DCAKD: variants seen among roughly 807,000 people sequenced by gnomAD.
DCAKD encodes dephospho-CoA kinase domain-containing protein.
DCAKD carries 15 observed loss-of-function variants against 18.7 expected under a neutral mutation model. That is an observed-to-expected ratio of 0.80 (90% CI 0.54 to 1.24). The LOEUF is 1.24. Among genes scored for constraint, DCAKD ranks in the 50% most tolerant of loss-of-function variants. The pLI, the probability that DCAKD is intolerant of heterozygous loss-of-function variation, is 0.00. For synonymous variants in DCAKD, 130 were observed against 133.0 expected (o/e 0.98, Z 0.16); for missense variants, 301 against 322.0 (o/e 0.93, Z 0.50).
At chr17:45,030,753 G>A (rs922126381) in intron 3 of DCAKD, among the ~76,000 whole-genome samples, 1 of 152,256 alleles carries the variant, frequency 6.6e-6, no homozygotes, top group African/African-American at 2.4e-5. Flanking sequence ...AGAGGCTCAC[G>A]TTGGGGCGGC....
intron 1 of DCAKD, among the ~76,000 whole-genome samples, chr17:45,038,907 C>T (rs191107067): frequency 5.8e-4 from 89 of 152,368 alleles, no homozygotes; most frequent in Admixed American, 1.1e-3. Flanking sequence ...TGACCATCCA[C>T]TGAGCATCTC....
Position 45,034,331 on chromosome 17 carries a change from A to G in DCAKD, c.172T>C (p.Leu58=), listed in dbSNP as rs1461076540. 1.2e-6 allele frequency: 2 copies of G among 1,613,978 alleles called. No individual in the cohort carries two copies. Among genetic ancestry groups the G allele is most frequent in the Non-Finnish European group, 1.7e-6 (2 of 1,180,042 alleles). The change falls in exon 3 of 5, where the codon TTG becomes CTG. Residue 58 remains leucine (L), a synonymous_variant. Coordinates refer to ENST00000651974, the MANE Select transcript of DCAKD (RefSeq NM_001288655.2). ...CGATTTATGTCGCCGTTCTCCAGCA[A>G]GACCTCAGTGCCGAAGACCTCTACG... ...RIVEVFGTEV[L]LENGDINRKV...
intron 1 of DCAKD, among the ~76,000 whole-genome samples, chr17:45,040,094 CA>C (rs141592523): frequency 8.3e-4 from 114 of 137,294 alleles, no homozygotes; most frequent in Middle Eastern, 3.8e-3. Context: ...GACTCCATCT[CA>C]AAAAAAAAAA....
In DCAKD at chr17:45,034,851, G is replaced by A; in HGVS notation, c.35C>T (p.Ser12Leu). 6.2e-7 allele frequency: 1 copy of A among 1,614,186 alleles called. No homozygotes were observed. The highest frequency in any genetic ancestry group is 8.5e-7 in the Non-Finnish European group (1 of 1,180,036). Residue 12 changes from serine to leucine, a missense_variant, in exon 2 of 5, where the codon TCA (serine) becomes TTA (leucine). By Grantham distance (145) the Ser-to-Leu change is moderately radical. Transcript: ENST00000651974. ...CACCTGGATCACTGAGCTCTTGCCT[G>A]AGGCAATGCCCCCTGTCAGGCCCAC... Reference protein sequence around the residue: ...FLVGLTGGIASGKSSVIQVFQ... With the variant: ...FLVGLTGGIALGKSSVIQVFQ...
intron 1 of DCAKD, among the ~76,000 whole-genome samples, chr17:45,046,146 T>A (rs1458148562): frequency 3.3e-5 from 5 of 152,096 alleles, no homozygotes; most frequent in Non-Finnish European, 2.9e-5. Context: ...TATTTTAAAA[T>A]GAGAATCACA....
intron 1 of DCAKD, among the ~76,000 whole-genome samples, chr17:45,045,146 G>A (rs1325870124): frequency 6.6e-6 from 1 of 152,084 alleles, no homozygotes; most frequent in Admixed American, 6.6e-5. Context: ...GCCTGGGAAT[G>A]TTCAAGGACC....
At chr17:45,037,478 T>C (rs374696766) in intron 1 of DCAKD, among the ~76,000 whole-genome samples, 4 of 152,024 alleles carry the variant, frequency 2.6e-5, no homozygotes, top group East Asian at 3.9e-4. Flanking sequence ...TTTTTTTAGA[T>C]GGAATTTCAC....
At chr17:45,033,322 T>C (rs1351198354) in intron 3 of DCAKD, among the ~76,000 whole-genome samples, 4 of 152,272 alleles carry the variant, frequency 2.6e-5, no homozygotes, top group Admixed American at 6.5e-5. Context: ...GCCATCTTGG[T>C]CCCTTCCCAA....
In DCAKD at chr17:45,024,674, C is replaced by A. The variant is rs146165883; in HGVS notation, c.455G>T (p.Arg152Leu). Residue 152 changes from arginine to leucine, a missense_variant, in exon 5 of 5, where the codon CGC becomes CTC. Arg to Leu is a moderately radical substitution (Grantham distance 102). Transcript: ENST00000651974. The part of the protein sequence containing the change: ...ARLMRRNSLN[R>L]KDAEARINAQ... ...ATTGATGCGGGCCTCTGCGTCCTTG[C>A]GGTTCAGGCTGTTCCGCCGCATCAG... The A allele has an allele frequency of 2.5e-6, 4 of 1,605,374 alleles. No individual in the cohort carries two copies. Among genetic ancestry groups the A allele is most frequent in the East Asian group, 2.2e-5 (1 of 44,664 alleles).
At chr17:45,053,247 T>G (rs578239617), upstream of DCAKD, among the ~76,000 whole-genome samples, 29 of 102,782 alleles carry the variant, frequency 2.8e-4, no homozygotes, top group East Asian at 3.0e-3. Flanking sequence ...TTTTGTTTTT[T>G]TTTTGTTTGG....
chr17:45,024,396 A>T lies in DCAKD; in HGVS notation c.*37T>A, dbSNP rs777035032. ...ACCTGGCTTCAGCCTCCAAGGAGAT[A>T]GATGGAGGCCTGGGGCTCCCTGCCT... On this transcript the variant is annotated 3_prime_UTR_variant, in exon 5 of 5. Coordinates refer to ENST00000651974, the MANE Select transcript of DCAKD (RefSeq NM_001288655.2). The T allele has an allele frequency of 3.2e-6, 5 of 1,568,284 alleles. No individual in the cohort carries two copies. In the Admixed American group the frequency reaches 8.9e-5, roughly 28 times the overall value.
chr17:45,031,207 A>G (rs2037784345), intron 3 of DCAKD: 6 of 985,204 alleles, frequency 6.1e-6, no homozygotes, highest in Non-Finnish European at 7.2e-6. Flanking sequence ...GGAAACTTGC[A>G]CTCAAAGTGA....
Position 45,033,181 on chromosome 17 carries a change from A to AAAAATAAAATAAAAT in DCAKD, c.316+991_316+1005dup, listed in dbSNP as rs10628158. Among the ~76,000 whole-genome samples the AAAAATAAAATAAAAT allele has an allele frequency of 3.0e-4, 46 of 151,100 alleles. No homozygotes were observed. The South Asian group carries it at 4.0e-3, about 13-fold the overall frequency. On this transcript the variant is annotated intron_variant, in intron 3 of 4. Transcript: ENST00000651974. ...GCCAGCATAGTGAGACCCCATCTCT[A>AAAAATAAAATAAAAT]AAAATAAAATAAAATAAAATAAAAT...
intron 1 of DCAKD, among the ~76,000 whole-genome samples, chr17:45,038,838 G>A (rs2053364477): frequency 6.6e-6 from 1 of 150,474 alleles, no homozygotes; most frequent in Admixed American, 6.6e-5. Flanking sequence ...ACTTAAAAGG[G>A]CCTTGACAAA....
At chr17:45,060,573 T>C (rs2053839242) in intron 1 of DCAKD, among the ~76,000 whole-genome samples, 1 of 151,916 alleles carries the variant, frequency 6.6e-6, no homozygotes, top group Admixed American at 6.6e-5. Flanking sequence ...GGAAAATTCT[T>C]GTGGGGAATT....
At chr17:45,047,697 G>A (rs1402996547) in intron 1 of DCAKD, among the ~76,000 whole-genome samples, 3 of 151,988 alleles carry the variant, frequency 2.0e-5, no homozygotes, top group Admixed American at 6.6e-5. Flanking sequence ...TACAGACGGG[G>A]TTTCGGCATG....
At chr17:45,034,668 G>T in intron 2 of DCAKD, 106 bp downstream of exon 2, 1 of 1,249,172 alleles carries the variant, frequency 8.0e-7, no homozygotes, top group Non-Finnish European at 1.1e-6. Flanking sequence ...AGGGTCAACA[G>T]GAGCCTTCCC....
chr17:45,029,648 A>G (rs1407418946), intron 4 of DCAKD, among the ~76,000 whole-genome samples: 1 of 152,150 alleles, frequency 6.6e-6, no homozygotes, highest in Non-Finnish European at 1.5e-5. Context: ...GGTGTTGCCA[A>G]AGGGTGACCC....
chr17:45,030,097 T>C lies in DCAKD; in HGVS notation c.399A>G (p.Val133=), dbSNP rs758719106. The change falls in exon 4 of 5, where the codon GTA becomes GTG. Residue 133 remains valine (V), a synonymous_variant. Transcript: ENST00000651974. ...AGGGCATGCTACACACTCACCAGTA[T>C]ACTACCACGGTGTGCTTCATGTACT... ...LLKYMKHTVV[V]YCDRDTQLAR... is the part of the protein sequence containing the mutation. 6.2e-7 allele frequency: 1 copy of C among 1,613,672 alleles called. No individual in the cohort carries two copies. The highest frequency in any genetic ancestry group is 1.7e-4 in the Middle Eastern group (1 of 6,060).
Sources: gnomAD v4.1 joint callset for allele counts (sites outside exome capture counted in the v4.1 genomes callset) on GRCh38, gnomAD v4.1.1 for gene constraint, MANE v1.5 for transcripts, NCBI Gene and HGNC (gene_info 2026-07-23, HGNC 2026-07-21) for gene names.